IER3IP1: variants seen among roughly 807,000 people sequenced by gnomAD.
IER3IP1 encodes immediate early response 3-interacting protein 1.
In IER3IP1, 16 loss-of-function variants were observed where a neutral mutation model predicts 12.2. That is an observed-to-expected ratio of 1.31 (90% CI 0.89 to 1.99). IER3IP1 has a LOEUF of 1.99. IER3IP1 is among the 30% of genes most tolerant of loss of function. IER3IP1 has a pLI of 0.00. For missense variants in IER3IP1, 95 were observed against 95.8 expected, an observed-to-expected ratio of 0.99 and a Z score of 0.03; for synonymous variants, 42 against 40.0, an observed-to-expected ratio of 1.05 and a Z score of -0.19.
chr18:47,170,523 T>C (rs1157674542), intron 1 of IER3IP1, among the ~76,000 whole-genome samples: 1 of 152,136 alleles, frequency 6.6e-6, no homozygotes, highest in East Asian at 1.9e-4. Context: ...TTCTGATCTG[T>C]GAATATGGGA....
rs1415535917 is a variant in IER3IP1 at position 47,155,989 on chromosome 18, T to C, written c.*188A>G. 1 of 565,082 alleles carries C rather than the reference T, an allele frequency of 1.8e-6. No homozygotes were observed. Among genetic ancestry groups the C allele is most frequent in the Non-Finnish European group, 3.1e-6 (1 of 318,104 alleles). The allele number at this position is 565,082 out of a possible 1,614,324, so 35.0% of individuals were successfully genotyped here. On this transcript the variant is annotated 3_prime_UTR_variant, in exon 3 of 3. Coordinates refer to ENST00000256433, the MANE Select transcript of IER3IP1 (RefSeq NM_016097.5). ...TACTGCCTTTCATGATCTGATCTTT[T>C]GTAATGAAACTACAAGTGCAACATT...
intron 1 of IER3IP1, among the ~76,000 whole-genome samples, chr18:47,165,552 C>CAAAA (rs34723400): frequency 2.5e-5 from 3 of 122,232 alleles, no homozygotes; most frequent in African/African-American, 3.1e-5. Context: ...GACTCTGTCT[C>CAAAA]AAAAAAAAAA....
chr18:47,163,887 T>G (rs1261834019), intron 1 of IER3IP1, among the ~76,000 whole-genome samples: 3 of 152,180 alleles, frequency 2.0e-5, no homozygotes, highest in Non-Finnish European at 4.4e-5. Flanking sequence ...AAAACCACCT[T>G]TACATGGTAT....
chr18:47,169,562 C>A (rs1208090086), intron 1 of IER3IP1, among the ~76,000 whole-genome samples: 1 of 151,886 alleles, frequency 6.6e-6, no homozygotes, highest in Non-Finnish European at 1.5e-5. Flanking sequence ...CACCACCTCA[C>A]CTATACTTGT....
intron 1 of IER3IP1, among the ~76,000 whole-genome samples, chr18:47,174,562 G>A (rs1293132294): frequency 3.3e-5 from 5 of 151,862 alleles, no homozygotes; most frequent in Admixed American, 3.3e-4. Context: ...CCAGCCATTC[G>A]GGAAGCTGAG....
At chr18:47,174,494 C>T (rs571276980) in intron 1 of IER3IP1, among the ~76,000 whole-genome samples, 1 of 152,212 alleles carries the variant, frequency 6.6e-6, no homozygotes, top group East Asian at 1.9e-4. Context: ...CATGGTGAAA[C>T]CCCATTTCTA....
chr18:47,157,806 G>T (rs2063966370), intron 1 of IER3IP1, among the ~76,000 whole-genome samples: 1 of 152,086 alleles, frequency 6.6e-6, no homozygotes, highest in Admixed American at 6.5e-5. Flanking sequence ...TAGTGAAGAT[G>T]ATCTTTGTAA....
intron 1 of IER3IP1, 146 bp from the exon 2 acceptor site, chr18:47,157,683 T>G (rs2063965953): frequency 1.4e-6 from 1 of 717,204 alleles, no homozygotes; most frequent in Non-Finnish European, 2.4e-6. Flanking sequence ...CAATAATGAG[T>G]TAAATATTTG....
rs1426397479 is a variant in IER3IP1, at chr18:47,171,411, CCCCT to C, written c.91+4772_91+4775del. ...TGGCATGAATTGAAAAGTGTCCTAT[CCCCT>C]CCATCTTTTGGAAGAGTTTGTGAGA... On this transcript the variant is annotated intron_variant, in intron 1 of 2. Coordinates refer to ENST00000256433, the MANE Select transcript of IER3IP1 (RefSeq NM_016097.5). 2.6e-5 allele frequency among the ~76,000 whole-genome samples: 4 copies of C among 152,166 alleles called. No individual in the cohort carries two copies. In the East Asian group the frequency reaches 7.7e-4, roughly 29 times the overall value.
Position 47,172,924 on chromosome 18 carries a change from C to A in IER3IP1, c.91+3263G>T, listed in dbSNP as rs1000878114. Among the ~76,000 whole-genome samples the A allele has an allele frequency of 1.3e-5, 2 of 152,166 alleles. No homozygotes were observed. The highest frequency in any genetic ancestry group is 4.8e-5 in the African/African-American group (2 of 41,438). ...TCTCCTGTCAGTTCTTCCATCTCTA[C>A]CTAAACAATAAATACTAGAGGAGAT... On this transcript the variant is annotated intron_variant, in intron 1 of 2. Coordinates refer to ENST00000256433, the MANE Select transcript of IER3IP1 (RefSeq NM_016097.5). The surrounding 1 kb of genome is among the most constrained non-coding windows in gnomAD (Gnocchi z 4.0).
Position 47,153,898 on chromosome 18 carries a change from T to A in IER3IP1, c.*2279A>T, listed in dbSNP as rs1277920741. 1 of 152,228 alleles carries A rather than the reference T, an allele frequency of 6.6e-6. No individual in the cohort carries two copies. Among genetic ancestry groups the A allele is most frequent in the African/African-American group, 2.4e-5 (1 of 41,468 alleles). The allele number at this position is 152,228 out of a possible 1,614,324, so 9.4% of individuals were successfully genotyped here. A position where few individuals can be genotyped will look rare whatever the true frequency, so the allele number is the denominator to read the frequency against. ...TCAACTAAAAACAAATAAATGGACC[T>A]ACTCTCATCTGGTTTAGATACGGGA... is the stretch of plus-strand genomic sequence containing the variant. On this transcript the variant is annotated 3_prime_UTR_variant, in exon 3 of 3. Transcript: ENST00000256433.
chr18:47,176,286 G>A lies in IER3IP1; in HGVS notation c.-9C>T, dbSNP rs997314885. 3 of 1,600,850 alleles carry A rather than the reference G, an allele frequency of 1.9e-6. No individual in the cohort carries two copies. Among genetic ancestry groups the A allele is most frequent in the Non-Finnish European group, 2.6e-6 (3 of 1,173,810 alleles). On this transcript the variant is annotated 5_prime_UTR_variant, in exon 1 of 3. Transcript: ENST00000256433. ...TACAGGGTAAAGGCCATGGCCGTCC[G>A]AGGCCGCCCCGAAGTCCAAGCGATT... is the stretch of plus-strand genomic sequence containing the variant.
intron 1 of IER3IP1, among the ~76,000 whole-genome samples, chr18:47,175,103 A>G (rs1257969612): frequency 2.0e-5 from 3 of 152,146 alleles, no homozygotes; most frequent in Non-Finnish European, 4.4e-5. Context: ...CATACTTTGC[A>G]CTCAATAAAT....
At chr18:47,174,643 G>C (rs976071759) in intron 1 of IER3IP1, among the ~76,000 whole-genome samples, 14 of 151,576 alleles carry the variant, frequency 9.2e-5, no homozygotes, top group Non-Finnish European at 1.5e-4. Context: ...CACTCCAGCC[G>C]GGGGGACAGG....
chr18:47,158,520 T>C (rs1398390031), intron 1 of IER3IP1, among the ~76,000 whole-genome samples: 5 of 151,852 alleles, frequency 3.3e-5, no homozygotes, highest in Admixed American at 3.3e-4. Flanking sequence ...TTTTGTATTT[T>C]TAGTACAGAT....
At chr18:47,164,259 A>C (rs1447404714) in intron 1 of IER3IP1, among the ~76,000 whole-genome samples, 2 of 151,926 alleles carry the variant, frequency 1.3e-5, no homozygotes. Context: ...CCCAGTCTCT[A>C]TTCTTATGCC....
Position 47,153,532 on chromosome 18 carries a change from G to A in IER3IP1, c.*2645C>T, listed in dbSNP as rs1312766996. On this transcript the variant is annotated 3_prime_UTR_variant, in exon 3 of 3. Coordinates refer to ENST00000256433, the MANE Select transcript of IER3IP1 (RefSeq NM_016097.5). ...AAGCCTAGTACCCAGTAATTTTTCTGGCACTCTTTCTCACCCTCCACCCTC... is the reference window on the plus strand; with the variant it reads ...AAGCCTAGTACCCAGTAATTTTTCTAGCACTCTTTCTCACCCTCCACCCTC... 2 of 151,932 alleles carry A rather than the reference G, an allele frequency of 1.3e-5. No individual in the cohort carries two copies. Among genetic ancestry groups the A allele is most frequent in the African/African-American group, 4.8e-5 (2 of 41,344 alleles). The allele number at this position is 151,932 out of a possible 1,614,324, so 9.4% of individuals were successfully genotyped here. A position where few individuals can be genotyped will look rare whatever the true frequency, so the allele number is the denominator to read the frequency against.
intron 1 of IER3IP1, among the ~76,000 whole-genome samples, chr18:47,173,015 T>G (rs961097593): frequency 1.3e-5 from 2 of 152,230 alleles, no homozygotes; most frequent in Non-Finnish European, 2.9e-5. Context: ...TTTCATCTTC[T>G]CACATGACTT....
chr18:47,170,161 T>C (rs531515929), intron 1 of IER3IP1, among the ~76,000 whole-genome samples: 1 of 152,170 alleles, frequency 6.6e-6, no homozygotes, highest in Non-Finnish European at 1.5e-5. Flanking sequence ...TCAGTTATTA[T>C]AGCACAATTT....
Sources: gnomAD v4.1 joint callset for allele counts (sites outside exome capture counted in the v4.1 genomes callset) on GRCh38, gnomAD v4.1.1 for gene constraint, Gnocchi (gnomAD v3.1) non-coding constraint, MANE v1.5 for transcripts, NCBI Gene and HGNC (gene_info 2026-07-23, HGNC 2026-07-21) for gene names.